Variants in SLC60A1 observed in about 807,000 individuals in gnomAD.
SLC60A1 encodes the protein solute carrier family 60 member 1, also known as major facilitator superfamily domain containing 4.
the SLC60A1 span, among the ~76,000 whole-genome samples, chr1:205,569,820 A>G: frequency 6.6e-6 from 1 of 151,982 alleles, no homozygotes; most frequent in African/African-American, 2.4e-5. Flanking sequence ...GCCAGGCTCC[A>G]CTGTAGGCAG....
the SLC60A1 span, chr1:205,597,973 G>A: frequency 5.9e-6 from 6 of 1,022,668 alleles, no homozygotes; most frequent in Non-Finnish European, 9.1e-6. Context: ...AGCAAAGCCA[G>A]CAGGGCCCCC....
the SLC60A1 span, chr1:205,600,376 C>T: frequency 1.2e-6 from 2 of 1,610,382 alleles, no homozygotes; most frequent in Non-Finnish European, 1.7e-6. Flanking sequence ...GCTGCTGAAA[C>T]ATGCTACCTG....
chr1:205,590,319 C>A, the SLC60A1 span, among the ~76,000 whole-genome samples: 2 of 152,204 alleles, frequency 1.3e-5, no homozygotes, highest in Admixed American at 1.3e-4. Context: ...TCTCAGGGAC[C>A]ATGTTCTGTG....
At chr1:205,597,419 C>T in the SLC60A1 span, 44,299 of 128,506 alleles carry the variant, frequency 0.34, 8,191 homozygotes, top group Middle Eastern at 0.49. Context: ...GACAGGGTCT[C>T]ACTCTGTCAC....
chr1:205,573,248 T>C, the SLC60A1 span, among the ~76,000 whole-genome samples: 1 of 149,718 alleles, frequency 6.7e-6, no homozygotes, highest in Non-Finnish European at 1.5e-5. Flanking sequence ...CCATCTCTAC[T>C]AAAAAAAAAA....
chr1:205,588,572 G>A, the SLC60A1 span, among the ~76,000 whole-genome samples: 33 of 151,756 alleles, frequency 2.2e-4, no homozygotes, highest in South Asian at 5.8e-3. Flanking sequence ...CCTCTGGGTT[G>A]TTTTGGAAGC....
chr1:205,601,585 G>C, the SLC60A1 span: 5 of 151,842 alleles, frequency 3.3e-5, no homozygotes, highest in African/African-American at 1.2e-4. Context: ...ATCTTTTTTT[G>C]TTTTTGTTTT....
chr1:205,589,287 G>A, the SLC60A1 span, among the ~76,000 whole-genome samples: 1 of 152,140 alleles, frequency 6.6e-6, no homozygotes, highest in East Asian at 1.9e-4. Context: ...AAAGGCCCGT[G>A]TTCAAAGGCC....
the SLC60A1 span, among the ~76,000 whole-genome samples, chr1:205,588,224 A>G: frequency 5.3e-5 from 8 of 151,886 alleles, no homozygotes; most frequent in Non-Finnish European, 1.2e-4. Flanking sequence ...GTAATCCCAG[A>G]ACTTTGGGAG....
chr1:205,590,824 C>T, the SLC60A1 span, among the ~76,000 whole-genome samples: 1 of 152,206 alleles, frequency 6.6e-6, no homozygotes, highest in African/African-American at 2.4e-5. Context: ...CCTGAGACGT[C>T]TAAGAAAAGC....
the SLC60A1 span, chr1:205,598,959 A>T: frequency 1.2e-6 from 1 of 847,874 alleles, no homozygotes; most frequent in Non-Finnish European, 1.9e-6. Flanking sequence ...CTCCAGACAC[A>T]TCAACTTGAA....
chr1:205,591,274 G>A, the SLC60A1 span, among the ~76,000 whole-genome samples: 1 of 152,150 alleles, frequency 6.6e-6, no homozygotes, highest in Non-Finnish European at 1.5e-5. Flanking sequence ...CTTGAGCCCA[G>A]AAGTTCAAGA....
chr1:205,596,736 A>G, the SLC60A1 span, among the ~76,000 whole-genome samples: 45 of 152,134 alleles, frequency 3.0e-4, no homozygotes, highest in African/African-American at 9.6e-4. Context: ...TCTGCAAACC[A>G]CTTGAAAGTC....
chr1:205,588,469 C>CAAAAAAAAAA, the SLC60A1 span, among the ~76,000 whole-genome samples: 1 of 84,720 alleles, frequency 1.2e-5, no homozygotes, highest in Non-Finnish European at 2.1e-5. Context: ...GACTTCAAAT[C>CAAAAAAAAAA]AAAAAAAAAA....
the SLC60A1 span, among the ~76,000 whole-genome samples, chr1:205,581,183 G>A: frequency 2.0e-5 from 3 of 152,224 alleles, no homozygotes; most frequent in Non-Finnish European, 2.9e-5. The surrounding 1 kb of genome is among the most constrained non-coding windows in gnomAD (Gnocchi z 4.2). Flanking sequence ...GTCAACTTTC[G>A]AATTATCTGA....
chr1:205,584,127 G>A, the SLC60A1 span: 10 of 1,612,424 alleles, frequency 6.2e-6, no homozygotes, highest in African/African-American at 1.3e-5. Flanking sequence ...CACCTAGGTA[G>A]GGGCTCTAAT....
the SLC60A1 span, among the ~76,000 whole-genome samples, chr1:205,584,313 C>A: frequency 2.0e-5 from 3 of 150,920 alleles, no homozygotes; most frequent in East Asian, 5.8e-4. Context: ...CCTCCGCCTC[C>A]CAGGTTCAAG....
the SLC60A1 span, chr1:205,592,279 A>T: frequency 1.2e-6 from 2 of 1,613,162 alleles, no homozygotes; most frequent in Non-Finnish European, 1.7e-6. Context: ...GACTCGCTGC[A>T]GTACAAAGGT....
At chr1:205,581,078 C>T in the SLC60A1 span, among the ~76,000 whole-genome samples, 6 of 152,196 alleles carry the variant, frequency 3.9e-5, no homozygotes, top group Admixed American at 2.0e-4. The surrounding 1 kb of genome is among the most constrained non-coding windows in gnomAD (Gnocchi z 4.2). Flanking sequence ...AAACCCTCCC[C>T]GGGATCCCCT....
Sources: allele counts gnomAD v4.1 joint callset (sites outside exome capture counted in the v4.1 genomes callset), GRCh38; gene constraint gnomAD v4.1.1; non-coding constraint Gnocchi (gnomAD v3.1); transcripts MANE v1.5; gene names NCBI Gene and HGNC (gene_info 2026-07-23, HGNC 2026-07-21).